Variants in TPO observed in about 807,000 individuals in gnomAD.
TPO encodes thyroid microsomal antigen.
In TPO, 78 loss-of-function variants were observed where a neutral mutation model predicts 96.9. The ratio of observed to expected loss-of-function variants is 0.81; its 90% CI spans 0.67 to 0.97. The LOEUF is 0.97. TPO is among the 50% of genes least tolerant of loss of function. The pLI is 0.00. For missense variants in TPO, 1,252 were observed against 1,274.8 expected, an observed-to-expected ratio of 0.98 and a Z score of 0.27; for synonymous variants, 547 against 538.0, an observed-to-expected ratio of 1.02 and a Z score of -0.23.
intron 5 of TPO, among the ~76,000 whole-genome samples, chr2:1,442,174 A>G (rs917818010): frequency 9.2e-5 from 14 of 152,150 alleles, no homozygotes; most frequent in African/African-American, 3.1e-4. Context: ...TTTTCTTCTC[A>G]GACTCAGGTA....
At chr2:1,487,593 C>T (rs1015869985) in intron 9 of TPO, among the ~76,000 whole-genome samples, 12 of 152,098 alleles carry the variant, frequency 7.9e-5, no homozygotes, top group African/African-American at 2.9e-4. Context: ...AGAAATTAGC[C>T]AAGCATGGTA....
At position 1,493,890 on chromosome 2, in the gene TPO, C is replaced by A. The variant is rs140322336; in HGVS notation, c.1857C>A (p.Ala619=). Residue 619 remains alanine, a synonymous_variant, in exon 11 of 17, where the codon GCC becomes GCA. Coordinates refer to ENST00000329066, the MANE Select transcript of TPO (RefSeq NM_001206744.2). Reference sequence around the variant, plus strand: ...CAGCCATCGCCAGCAGGAGCGTGGCCGACAAGATCCTGGACTTGTACAAGC... The same window carrying A: ...CAGCCATCGCCAGCAGGAGCGTGGCAGACAAGATCCTGGACTTGTACAAGC... ...LSTAIASRSV[A]DKILDLYKHP... 7.4e-6 allele frequency: 12 copies of A among 1,614,036 alleles called. No individual in the cohort carries two copies. Among genetic ancestry groups the A allele is most frequent in the Non-Finnish European group, 8.5e-7 (1 of 1,180,028 alleles).
At chr2:1,458,762 C>T (rs11211651) in intron 7 of TPO, among the ~76,000 whole-genome samples, 83,257 of 152,112 alleles carry the variant, frequency 0.55, 23,024 homozygotes, top group East Asian at 0.77. Context: ...AGTTCTTATA[C>T]ATGTCTGCTT....
rs752661851 is a variant in TPO at position 1,540,629 on chromosome 2, C to T, written c.2654C>T (p.Ser885Leu). 6.8e-6 allele frequency: 11 copies of T among 1,613,484 alleles called. No homozygotes were observed. The highest frequency in any genetic ancestry group is 6.7e-5 in the Admixed American group (4 of 60,006). The change falls in exon 16 of 17, where the codon TCG becomes TTG. Residue 885 changes from serine to leucine, a missense_variant. Transcript: ENST00000329066. ...RTGTKSTLPISETGGGTPELR... is the reference protein window; with the variant it reads ...RTGTKSTLPILETGGGTPELR... ...GGCACTAAATCCACACTGCCCATCTCGGAGACAGGCGGAGGAACTCCCGAG... is the reference window on the plus strand; with the variant it reads ...GGCACTAAATCCACACTGCCCATCTTGGAGACAGGCGGAGGAACTCCCGAG...
intron 1 of TPO, among the ~76,000 whole-genome samples, chr2:1,385,159 T>A (rs1661870803): frequency 6.6e-6 from 1 of 152,196 alleles, no homozygotes; most frequent in African/African-American, 2.4e-5. Context: ...GGGATATTGG[T>A]CTAAAATTCT....
chr2:1,406,571 C>T (rs1662253584), intron 1 of TPO, among the ~76,000 whole-genome samples: 1 of 152,244 alleles, frequency 6.6e-6, no homozygotes, highest in African/African-American at 2.4e-5. Context: ...GATGCTCTTG[C>T]TGGCCATGGC....
intron 1 of TPO, among the ~76,000 whole-genome samples, chr2:1,399,494 A>G (rs889130234): frequency 1.3e-5 from 2 of 152,226 alleles, no homozygotes. Context: ...ATCCACCATA[A>G]CTGATAATAA....
intron 15 of TPO, among the ~76,000 whole-genome samples, chr2:1,530,450 C>A (rs1339987839): frequency 1.4e-5 from 2 of 144,556 alleles, no homozygotes; most frequent in East Asian, 2.1e-4. Flanking sequence ...TGCAACCTCC[C>A]GAAATCCCAT....
intron 1 of TPO, among the ~76,000 whole-genome samples, chr2:1,374,884 G>A (rs1020812339): frequency 4.6e-5 from 7 of 151,148 alleles, no homozygotes; most frequent in Non-Finnish European, 7.4e-5. Context: ...CCGCCACCAC[G>A]CCCAGCTAAA....
Position 1,481,607 on chromosome 2 carries a change from G to T in TPO, c.1339-2989G>T, listed in dbSNP as rs1267992175. On this transcript the variant is annotated intron_variant, in intron 8 of 16. Transcript: ENST00000329066. ...AGATCCATGTCTCGGGGCAGGGGCT[G>T]CATCCCTGGGCCACTCGGCTGCTGA... 2.0e-5 allele frequency among the ~76,000 whole-genome samples: 3 copies of T among 152,168 alleles called. No individual in the cohort carries two copies. The East Asian group carries it at 5.8e-4, about 29-fold the overall frequency.
chr2:1,527,797 CA>C (rs1350109053), intron 15 of TPO, among the ~76,000 whole-genome samples: 32 of 148,000 alleles, frequency 2.2e-4, no homozygotes, highest in African/African-American at 7.3e-4. Context: ...CCCAAAATCC[CA>C]CACACTGTAT....
intron 1 of TPO, among the ~76,000 whole-genome samples, chr2:1,376,510 C>A (rs944017706): frequency 2.0e-5 from 3 of 152,154 alleles, no homozygotes; most frequent in East Asian, 1.9e-4. Flanking sequence ...CAACATCACC[C>A]GTGGTGATTA....
rs1573635598 is a variant in TPO at position 1,534,972 on chromosome 2, C to T, written c.2619-5622C>T. Among the ~76,000 whole-genome samples, 2 of 141,584 alleles carry T rather than the reference C, an allele frequency of 1.4e-5. 1 individual carries two copies. Among genetic ancestry groups the T allele is most frequent in the South Asian group, 4.6e-4 (2 of 4,348 alleles). The allele number at this position is 141,584 out of a possible 152,430, so 92.9% of individuals were successfully genotyped here. A position where few individuals can be genotyped will look rare whatever the true frequency, so the allele number is the denominator to read the frequency against. ...CCTCCGCCACTGTGAGCAACCTCCT[C>T]AAATCCCCCCAGTGTGTGCAATTTC... On this transcript the variant is annotated intron_variant, in intron 15 of 16. Transcript: ENST00000329066.
At chr2:1,375,919 C>A (rs192908707) in intron 1 of TPO, among the ~76,000 whole-genome samples, 2 of 152,246 alleles carry the variant, frequency 1.3e-5, no homozygotes, top group African/African-American at 4.8e-5. Context: ...GCACAACGAA[C>A]GTTTCTCTAA....
chr2:1,381,049 C>G (rs537542683), intron 1 of TPO, among the ~76,000 whole-genome samples: 1 of 152,266 alleles, frequency 6.6e-6, no homozygotes, highest in Non-Finnish European at 1.5e-5. Context: ...TAGGTATACA[C>G]GTGCCATGGT....
intron 2 of TPO, among the ~76,000 whole-genome samples, 155 bp downstream of exon 2, chr2:1,414,657 T>C (rs1049673546): frequency 1.1e-4 from 17 of 152,184 alleles, no homozygotes; most frequent in Admixed American, 3.9e-4. Context: ...AATTCTTGAT[T>C]TTAGAAGGAT....
chr2:1,483,727 C>T (rs1670856854), intron 8 of TPO, among the ~76,000 whole-genome samples: 1 of 152,166 alleles, frequency 6.6e-6, no homozygotes, highest in African/African-American at 2.4e-5. Flanking sequence ...CTTGTCTGTC[C>T]AGGTCTCCGA....
At chr2:1,522,216 G>A (rs558003713) in intron 15 of TPO, among the ~76,000 whole-genome samples, 12 of 125,730 alleles carry the variant, frequency 9.5e-5, no homozygotes, top group African/African-American at 9.5e-5. Flanking sequence ...GCCCGCCACC[G>A]TGCCCTCACA....
At chr2:1,448,416 T>A (rs1667018267) in intron 5 of TPO, among the ~76,000 whole-genome samples, 1 of 151,936 alleles carries the variant, frequency 6.6e-6, no homozygotes, top group African/African-American at 2.4e-5. Flanking sequence ...CCCGCCTGAG[T>A]CACTTCCGTG....
Sources: allele counts gnomAD v4.1 joint callset (sites outside exome capture counted in the v4.1 genomes callset), GRCh38; gene constraint gnomAD v4.1.1; transcripts MANE v1.5; gene names NCBI Gene and HGNC (gene_info 2026-07-23, HGNC 2026-07-21).